Variants in ATP13A1 observed in about 807,000 individuals in gnomAD.
The protein encoded by ATP13A1 is ATPase 13A1.
Under a neutral mutation model 134.8 loss-of-function variants are expected in ATP13A1, and 55 were observed. The ratio of observed to expected loss-of-function variants is 0.41; its 90% confidence interval spans 0.33 to 0.51. The LOEUF (loss-of-function observed/expected upper bound fraction) is 0.51, where lower values mean the gene tolerates loss of function less well. ATP13A1 is among the 20% of genes least tolerant of loss of function. The probability of loss-of-function intolerance (pLI) is 0.29; values close to 1 mark genes in which losing one functional copy is unlikely to be tolerated. For missense variants in ATP13A1, 1,389 were observed against 1,652.8 expected, an observed-to-expected ratio of 0.84 and a Z score of 2.77; for synonymous variants, 775 against 725.1, an observed-to-expected ratio of 1.07 and a Z score of -1.10.
rs1449417107 is a variant in ATP13A1, at chr19:19,659,913, G to T, written c.471C>A (p.Ala157=). ...TPNNGSTELV[A]LHRNEGEDGL... is the part of the protein sequence containing the mutation. ...CAGTCCCTACCTCATTGCGGTGCAG[G>T]GCCACGAGCTCCGTGGAGCCATTGT... Residue 157 remains alanine, a synonymous_variant, in exon 2 of 26, where the codon GCC becomes GCA. Transcript: ENST00000357324. 3.1e-6 allele frequency: 5 copies of T among 1,588,476 alleles called. No homozygotes were observed. In the East Asian group the frequency reaches 9.1e-5, roughly 29 times the overall value.
At chr19:19,662,681 G>A (rs562093595) in intron 1 of ATP13A1, among the ~76,000 whole-genome samples, 2 of 152,288 alleles carry the variant, frequency 1.3e-5, no homozygotes, top group African/African-American at 2.4e-5. Context: ...TTTGCGGAAA[G>A]ACATCATGTA....
rs532836493 is a variant in ATP13A1, at chr19:19,663,259, G to A, written c.396+12C>T. 1.3e-6 allele frequency: 2 copies of A among 1,571,802 alleles called. No homozygotes were observed. Among genetic ancestry groups the A allele is most frequent in the African/African-American group, 2.7e-5 (2 of 73,790 alleles). ...ACCGTGCTGGGGGTCGGGCTCGCGT[G>A]TACACACTTACCGGGGTGCAGGTGA... On this transcript the variant is annotated intron_variant, in intron 1 of 25. Transcript: ENST00000357324.
At position 19,655,469 on chromosome 19, in the gene ATP13A1, C is replaced by T; in HGVS notation, c.1397-16G>A. The T allele has an allele frequency of 6.2e-7, 1 of 1,613,976 alleles. No homozygotes were observed. The highest frequency in any genetic ancestry group is 1.6e-4 in the Middle Eastern group (1 of 6,062). On this transcript the variant is annotated splice_polypyrimidine_tract_variant and intron_variant, in intron 10 of 25. Transcript: ENST00000357324. This position sits in a 1 kb window ranked among gnomAD's most constrained non-coding sequence, Gnocchi z 5.7. Reference sequence around the variant, plus strand: ...TCCTTGGTACCTGTGGAGACAGGGCCTGCCAACCTGGAGCCTCGGAGGGTG... The same window carrying T: ...TCCTTGGTACCTGTGGAGACAGGGCTTGCCAACCTGGAGCCTCGGAGGGTG...
chr19:19,657,145 A>T lies in ATP13A1; in HGVS notation c.755T>A (p.Phe252Tyr). ...ATCCAGGCACCAGAGCCCCACACAGAACACCTGTGGGATACCAGCCTGTCT... is the reference window on the plus strand; with the variant it reads ...ATCCAGGCACCAGAGCCCCACACAGTACACCTGTGGGATACCAGCCTGTCT... Reference protein sequence around the residue: ...ATAPFFVFQVFCVGLWCLDEY... With the variant: ...ATAPFFVFQVYCVGLWCLDEY... Residue 252 changes from phenylalanine to tyrosine, a missense_variant, in exon 5 of 26, where the codon TTC becomes TAC. Coordinates refer to ENST00000357324, the MANE Select transcript of ATP13A1 (RefSeq NM_020410.3). 6.6e-7 allele frequency: 1 copy of T among 1,506,064 alleles called. No individual in the cohort carries two copies. Among genetic ancestry groups the T allele is most frequent in the Non-Finnish European group, 8.9e-7 (1 of 1,127,946 alleles). 93.3% of individuals were successfully genotyped at this position (1,506,064 alleles called of 1,614,324 possible).
rs534657213 is a variant in ATP13A1 at position 19,661,072 on chromosome 19, C to A, written c.397-1085G>T. ...CCAGCCTGGGCAACAGAGCCAGACT[C>A]CATCTCAAAAACAAACAAACAAACA... On this transcript the variant is annotated intron_variant, in intron 1 of 25. Coordinates refer to ENST00000357324, the MANE Select transcript of ATP13A1 (RefSeq NM_020410.3). Among the ~76,000 whole-genome samples the A allele has an allele frequency of 5.7e-4, 86 of 149,680 alleles. 1 individual carries two copies. The East Asian group carries it at 0.016, about 27-fold the overall frequency.
Position 19,655,934 on chromosome 19 carries a change from C to T in ATP13A1, c.1214-1G>A. 6.2e-7 allele frequency: 1 copy of T among 1,603,136 alleles called. No homozygotes were observed. The highest frequency in any genetic ancestry group is 8.5e-7 in the Non-Finnish European group (1 of 1,178,274). ...TAGGCCACGCACCCGCTGTCAACCG[C>T]TGGGGAGAGAAGCAGAGTCACCGTC... On this transcript the variant is annotated splice_acceptor_variant, in intron 8 of 25. Coordinates refer to ENST00000357324, the MANE Select transcript of ATP13A1 (RefSeq NM_020410.3). LOFTEE classifies it high-confidence loss of function. This position sits in a 1 kb window ranked among gnomAD's most constrained non-coding sequence, Gnocchi z 5.7.
chr19:19,645,456 A>T lies in ATP13A1; in HGVS notation c.3581T>A (p.Phe1194Tyr). The change falls in exon 26 of 26, where the codon TTC becomes TAC. Residue 1194 changes from phenylalanine to tyrosine, a missense_variant. By Grantham distance (22) the Phe-to-Tyr change is conservative. Transcript: ENST00000357324. The surrounding 1 kb of genome is among the most constrained non-coding windows in gnomAD (Gnocchi z 4.1). ...ALLADRVLQFFLGTPKLKVPS is the reference protein window; with the variant it reads ...ALLADRVLQFYLGTPKLKVPS ...CACTTTCAGCTTCGGGGTCCCCAGG[A>T]AGAACTGCAGGACGCGGTCGGCCAG... The T allele has an allele frequency of 1.2e-6, 2 of 1,606,844 alleles. No homozygotes were observed. Among genetic ancestry groups the T allele is most frequent in the Non-Finnish European group, 1.7e-6 (2 of 1,177,064 alleles).
At position 19,659,733 on chromosome 19, in the gene ATP13A1, T is replaced by C; in HGVS notation, c.545A>G (p.Asp182Gly). The part of the protein sequence containing the change: ...FEFQKIKYSY[D>G]ALEKKQFLPV... Reference sequence around the variant, plus strand: ...GAGAAACTGCTTCTTCTCCAGGGCATCGTAGGAATACTTGATCTTCTGGAA... The same window carrying C: ...GAGAAACTGCTTCTTCTCCAGGGCACCGTAGGAATACTTGATCTTCTGGAA... The change falls in exon 3 of 26, where the codon GAT becomes GGT. Residue 182 changes from aspartate to glycine, a missense_variant. Around this residue, in one of 4 missense-constraint regions of ATP13A1, gnomAD observed 293 missense variants for 270.8 expected, o/e 1.08. Transcript: ENST00000357324. The C allele has an allele frequency of 6.2e-7, 1 of 1,613,974 alleles. No homozygotes were observed. The highest frequency in any genetic ancestry group is 8.5e-7 in the Non-Finnish European group (1 of 1,179,876).
intron 1 of ATP13A1, chr19:19,662,284 TAA>T (rs1455618343): frequency 2.0e-6 from 2 of 985,302 alleles, no homozygotes; most frequent in Admixed American, 1.2e-4. Flanking sequence ...CTGGGATAGA[TAA>T]GTCTTTTTGA....
rs375614974 is a variant in ATP13A1, at chr19:19,654,400, G to A, written c.1813+143C>T. 574 of 1,136,884 alleles carry A rather than the reference G, an allele frequency of 5.0e-4. 10 individuals carry two copies. The South Asian group carries it at 8.7e-3, about 17-fold the overall frequency. The allele number at this position is 1,136,884 out of a possible 1,614,324, so 70.4% of individuals were successfully genotyped here. A position where few individuals can be genotyped will look rare whatever the true frequency, so the allele number is the denominator to read the frequency against. ...ACGTGGCCTATCCTGGGTCTAAAGTGAGCCTCTGGCCACCCACCTCGGGGA... is the reference window on the plus strand; with the variant it reads ...ACGTGGCCTATCCTGGGTCTAAAGTAAGCCTCTGGCCACCCACCTCGGGGA... On this transcript the variant is annotated intron_variant, in intron 13 of 25. Transcript: ENST00000357324.
Position 19,654,610 on chromosome 19 carries a change from G to C in ATP13A1, c.1746C>G (p.Asp582Glu), listed in dbSNP as rs756451950. Residue 582 changes from aspartate to glutamate, a missense_variant, in exon 13 of 26, where the codon GAC becomes GAG. Physicochemically the swap from Asp to Glu is conservative, Grantham distance 45. Coordinates refer to ENST00000357324, the MANE Select transcript of ATP13A1 (RefSeq NM_020410.3). ...CTAGAGGGTCACCCACGAGGGTGCC[G>C]TCGTCCAGCTGCATGAGCGAGTGGC... is the stretch of plus-strand genomic sequence containing the variant. ...ASCHSLMQLD[D>E]GTLVGDPLEK... 6.2e-7 allele frequency: 1 copy of C among 1,613,302 alleles called. No individual in the cohort carries two copies. Among genetic ancestry groups the C allele is most frequent in the African/African-American group, 1.3e-5 (1 of 74,930 alleles).
In ATP13A1 at chr19:19,657,395, C is replaced by A. The variant is rs1369845317; in HGVS notation, c.691G>T (p.Val231Leu). The change falls in exon 4 of 26, where the codon GTG (valine) becomes TTG (leucine). Residue 231 changes from valine (V) to leucine (L), a missense_variant. By Grantham distance (32) the Val-to-Leu change is conservative. This residue lies in a region of ATP13A1 where 747 missense variants were observed against 956.1 expected (regional missense o/e 0.78). Coordinates refer to ENST00000357324, the MANE Select transcript of ATP13A1 (RefSeq NM_020410.3). ...TTGAAAAGCTCCGAGAAGTCAGGCA[C>A]CACCATCTCGGCCCTGCAAGAGACC... ...KFGSNKAEMV[V>L]PDFSELFKER... The A allele has an allele frequency of 3.8e-6, 6 of 1,569,638 alleles. No individual in the cohort carries two copies. Among genetic ancestry groups the A allele is most frequent in the Non-Finnish European group, 5.2e-6 (6 of 1,157,034 alleles).
chr19:19,647,092 C>T lies in ATP13A1; in HGVS notation c.3105+37G>A. On this transcript the variant is annotated intron_variant, in intron 22 of 25. Coordinates refer to ENST00000357324, the MANE Select transcript of ATP13A1 (RefSeq NM_020410.3). This position sits in a 1 kb window ranked among gnomAD's most constrained non-coding sequence, Gnocchi z 4.8. ...TATATCAGCCTGGCCCTGGCAGGCC[C>T]ATGCATCCCTGGCCTTCCAGCACCT... is the stretch of plus-strand genomic sequence containing the variant. 1.3e-6 allele frequency: 2 copies of T among 1,580,170 alleles called. No individual in the cohort carries two copies. The highest frequency in any genetic ancestry group is 4.5e-5 in the East Asian group (2 of 44,632).
rs200776887 is a variant in ATP13A1, at chr19:19,646,295, T to C, written c.3158A>G (p.Tyr1053Cys). The C allele has an allele frequency of 1.2e-5, 20 of 1,613,702 alleles. No homozygotes were observed. The Admixed American group carries it at 2.3e-4, about 19-fold the overall frequency. The change falls in exon 23 of 26, where the codon TAC (tyrosine) becomes TGC (cysteine). Residue 1053 changes from tyrosine (Y) to cysteine (C), a missense_variant. Tyr to Cys is a radical substitution (Grantham distance 194). Coordinates refer to ENST00000357324, the MANE Select transcript of ATP13A1 (RefSeq NM_020410.3). Reference sequence around the variant, plus strand: ...CTGGAGCATGACGGTGAGGATGGTGTACAGGTTGAAGATGTTGGGCAGGGG... The same window carrying C: ...CTGGAGCATGACGGTGAGGATGGTGCACAGGTTGAAGATGTTGGGCAGGGG... ...ERPLPNIFNL[Y>C]TILTVMLQFF...
rs995540982 is a variant in ATP13A1 at position 19,655,064 on chromosome 19, G to C, written c.1655+55C>G. ...GGGGTGGATGGGCCACCTGTCTCTC[G>C]ACTTCCCAGAAACCCCATCTGGGTG... On this transcript the variant is annotated intron_variant, in intron 12 of 25. Coordinates refer to ENST00000357324, the MANE Select transcript of ATP13A1 (RefSeq NM_020410.3). This position sits in a 1 kb window ranked among gnomAD's most constrained non-coding sequence, Gnocchi z 5.7. The C allele has an allele frequency of 6.2e-7, 1 of 1,604,188 alleles. No homozygotes were observed. Among genetic ancestry groups the C allele is most frequent in the Non-Finnish European group, 8.5e-7 (1 of 1,176,804 alleles).
Position 19,645,707 on chromosome 19 carries a change from C to T in ATP13A1, c.3444G>A (p.Leu1148=). 6.3e-7 allele frequency: 1 copy of T among 1,588,856 alleles called. No individual in the cohort carries two copies. The highest frequency in any genetic ancestry group is 8.6e-7 in the Non-Finnish European group (1 of 1,168,120). The stretch of plus-strand genomic sequence containing the variant: ...TGAAGTCGGGCGAGGAGCCGAGGAG[C>T]AGGCCAATGATGGCCAGGAGTGAAA... ...LAVSLLAIIG[L]LLGSSPDFNS... The change falls in exon 25 of 26, where the codon CTG becomes CTA. Residue 1148 remains leucine (L), a synonymous_variant. Coordinates refer to ENST00000357324, the MANE Select transcript of ATP13A1 (RefSeq NM_020410.3). The surrounding 1 kb of genome is among the most constrained non-coding windows in gnomAD (Gnocchi z 4.1).
intron 12 of ATP13A1, 44 bp from the exon 13 acceptor site, chr19:19,654,744 G>A (rs200265211): frequency 1.9e-5 from 29 of 1,566,930 alleles, no homozygotes; most frequent in Admixed American, 3.5e-5. Flanking sequence ...CAGGCGGGTA[G>A]GGCGAAGCTG....
At chr19:19,663,238 T>C in intron 1 of ATP13A1, 33 bp downstream of exon 1, 1 of 1,561,392 alleles carries the variant, frequency 6.4e-7, no homozygotes, top group South Asian at 1.2e-5. Context: ...GGCTCGACCG[T>C]GCTGGGGGTC....
In ATP13A1 at chr19:19,645,472, G is replaced by A. The variant is rs369690860; in HGVS notation, c.3565C>T (p.Arg1189Cys). Residue 1189 changes from arginine (R) to cysteine (C), a missense_variant, in exon 26 of 26, where the codon CGC becomes TGC. Around this residue, in one of 4 missense-constraint regions of ATP13A1, gnomAD observed 228 missense variants for 321.0 expected, o/e 0.71. Transcript: ENST00000357324. This position sits in a 1 kb window ranked among gnomAD's most constrained non-coding sequence, Gnocchi z 4.1. ...GTCCCCAGGAAGAACTGCAGGACGCGGTCGGCCAGGAGCGCCAGGCAGAAG... is the reference window on the plus strand; with the variant it reads ...GTCCCCAGGAAGAACTGCAGGACGCAGTCGGCCAGGAGCGCCAGGCAGAAG... ...LDFCLALLADRVLQFFLGTPK... is the reference protein window; with the variant it reads ...LDFCLALLADCVLQFFLGTPK... 9.3e-6 allele frequency: 15 copies of A among 1,608,398 alleles called. No homozygotes were observed. The highest frequency in any genetic ancestry group is 4.5e-5 in the East Asian group (2 of 44,624).
Sources: gnomAD v4.1 joint callset for allele counts (sites outside exome capture counted in the v4.1 genomes callset) on GRCh38, gnomAD v4.1.1 for gene constraint, gnomAD v4.1.1 regional missense constraint, Gnocchi (gnomAD v3.1) non-coding constraint, MANE v1.5 for transcripts, NCBI Gene and HGNC (gene_info 2026-07-23, HGNC 2026-07-21) for gene names.